PCMTD2: variants seen among roughly 807,000 people sequenced by gnomAD.
The protein encoded by PCMTD2 is protein-L-isoaspartate (D-aspartate) O-methyltransferase domain containing 2.
A neutral mutation model predicts 33.4 loss-of-function variants in PCMTD2; 16 were observed. The ratio of observed to expected loss-of-function variants is 0.48; its 90% CI spans 0.32 to 0.73. PCMTD2 has a LOEUF of 0.73. Ranked by LOEUF, PCMTD2 falls within the 30% of genes least tolerant of loss-of-function variation. The probability of loss-of-function intolerance (pLI) is 0.03; values close to 1 mark genes in which losing one functional copy is unlikely to be tolerated. For synonymous variants in PCMTD2, 161 were observed against 160.8 expected (o/e 1.00, Z -0.01); for missense variants, 374 against 449.9 (o/e 0.83, Z 1.53).
At chr20:64,263,911 A>G (rs1869773079) in intron 2 of PCMTD2, among the ~76,000 whole-genome samples, 1 of 152,276 alleles carries the variant, frequency 6.6e-6, no homozygotes. Context: ...GAGCACTGTC[A>G]TCATTAAGTG....
Position 64,273,993 on chromosome 20 carries a change from T to C in PCMTD2, c.*393T>C. 1 of 164,814 alleles carries C rather than the reference T, an allele frequency of 6.1e-6. No individual in the cohort carries two copies. The highest frequency in any genetic ancestry group is 1.3e-5 in the Non-Finnish European group (1 of 77,006). 10.2% of individuals were successfully genotyped at this position (164,814 alleles called of 1,614,324 possible). A position where few individuals can be genotyped will look rare whatever the true frequency, so the allele number is the denominator to read the frequency against. On this transcript the variant is annotated 3_prime_UTR_variant, in exon 6 of 6. Coordinates refer to ENST00000308824, the MANE Select transcript of PCMTD2 (RefSeq NM_018257.3). ...ATGAAAACTGAAGTGGAAACTAACC[T>C]GTGTTGCTTATAAAGTGTGAAAGCA...
intron 1 of PCMTD2, among the ~76,000 whole-genome samples, chr20:64,257,230 C>T (rs149182959): frequency 3.3e-5 from 5 of 152,186 alleles, no homozygotes; most frequent in Non-Finnish European, 5.9e-5. Flanking sequence ...ACTACCATAG[C>T]TTCATGCTTG....
Position 64,259,386 on chromosome 20 carries a change from C to CTTTTT in PCMTD2, c.-24-540_-24-536dup, listed in dbSNP as rs3076992. 2.5e-5 allele frequency among the ~76,000 whole-genome samples: 3 copies of CTTTTT among 118,698 alleles called. No homozygotes were observed. In the South Asian group the frequency reaches 8.2e-4, roughly 32 times the overall value. 77.9% of individuals were successfully genotyped at this position (118,698 alleles called of 152,430 possible). On this transcript the variant is annotated intron_variant, in intron 1 of 5. Transcript: ENST00000308824. ...CCACCTAAAGTTTTTTTTCTTTTCT[C>CTTTTT]TTTTTTTTTTTTTTTTTTTTGAGAC...
intron 1 of PCMTD2, among the ~76,000 whole-genome samples, chr20:64,259,067 G>T (rs557780730): frequency 1.2e-4 from 18 of 152,300 alleles, no homozygotes; most frequent in Admixed American, 7.8e-4. Flanking sequence ...ACAAGTAGTT[G>T]TTATTTTTAA....
intron 5 of PCMTD2, among the ~76,000 whole-genome samples, chr20:64,269,192 G>A (rs764221196): frequency 2.6e-5 from 4 of 152,168 alleles, no homozygotes; most frequent in Non-Finnish European, 5.9e-5. Context: ...GGTTGTCGTC[G>A]GGTGGAGGGT....
intron 1 of PCMTD2, chr20:64,257,137 A>G (rs1985201487): frequency 6.6e-6 from 1 of 152,228 alleles, no homozygotes; most frequent in South Asian, 2.1e-4. Flanking sequence ...ATCTTCCACA[A>G]TGAATTACTT....
Position 64,265,301 on chromosome 20 carries a change from G to C in PCMTD2, c.454G>C (p.Glu152Gln). Residue 152 changes from glutamate to glutamine, a missense_variant, in exon 4 of 6, where the codon GAG becomes CAG. Physicochemically the swap from Glu to Gln is conservative, Grantham distance 29. Coordinates refer to ENST00000308824, the MANE Select transcript of PCMTD2 (RefSeq NM_018257.3). ...EPSFVTGNCLEISPDCSQYDR... is the reference protein window; with the variant it reads ...EPSFVTGNCLQISPDCSQYDR... ...TTCCTTTGTTACTGGGAATTGCCTG[G>C]AGATTTCTCCGGATTGTTCTCAGTA... 1.2e-6 allele frequency: 2 copies of C among 1,607,950 alleles called. No homozygotes were observed. Among genetic ancestry groups the C allele is most frequent in the Non-Finnish European group, 8.5e-7 (1 of 1,178,070 alleles).
chr20:64,268,279 C>T (rs1323092140), intron 5 of PCMTD2, among the ~76,000 whole-genome samples: 2 of 152,208 alleles, frequency 1.3e-5, no homozygotes, highest in African/African-American at 2.4e-5. Context: ...TAAAAGGGAG[C>T]TCATTTTGCC....
intron 3 of PCMTD2, 122 bp from the exon 4 acceptor site, chr20:64,265,136 T>G: frequency 1.7e-6 from 1 of 572,618 alleles, no homozygotes; most frequent in East Asian, 2.9e-5. Flanking sequence ...TTCTTCCAGC[T>G]CCTCACACTG....
At position 64,274,171 on chromosome 20, in the gene PCMTD2, A is replaced by G. The variant is rs1986025212; in HGVS notation, c.*571A>G. ...AAACATTATTGAGAAGCCCTCCCTT[A>G]TTTTAAGTAAGTTGATTAAATCTTA... On this transcript the variant is annotated 3_prime_UTR_variant, in exon 6 of 6. Coordinates refer to ENST00000308824, the MANE Select transcript of PCMTD2 (RefSeq NM_018257.3). The G allele has an allele frequency of 6.6e-6, 1 of 152,174 alleles. No homozygotes were observed. The highest frequency in any genetic ancestry group is 1.5e-5 in the Non-Finnish European group (1 of 68,028). 9.4% of individuals were successfully genotyped at this position (152,174 alleles called of 1,614,324 possible).
rs1032203865 is a variant in PCMTD2 at position 64,275,432 on chromosome 20, T to TA, written c.*1839dup. ...TATAATTGTATATGGACTGCATTTT[T>TA]AAAAAAACCGCATTTGCCTTTATGC... On this transcript the variant is annotated 3_prime_UTR_variant, in exon 6 of 6. Transcript: ENST00000308824. 1 of 152,196 alleles carries TA rather than the reference T, an allele frequency of 6.6e-6. No homozygotes were observed. The highest frequency in any genetic ancestry group is 2.4e-5 in the African/African-American group (1 of 41,470). 9.4% of individuals were successfully genotyped at this position (152,196 alleles called of 1,614,324 possible).
chr20:64,273,272 G>T lies in PCMTD2; in HGVS notation c.758G>T (p.Gly253Val). Residue 253 changes from glycine (G) to valine (V), a missense_variant, in exon 6 of 6, where the codon GGC (glycine) becomes GTC (valine). Physicochemically the swap from Gly to Val is moderately radical, Grantham distance 109. Transcript: ENST00000308824. ...GACTTGGCTCGCATCGCCATCCGGGGCACCATTAAAAAGATTATTCATCAG... is the reference window on the plus strand; with the variant it reads ...GACTTGGCTCGCATCGCCATCCGGGTCACCATTAAAAAGATTATTCATCAG... The part of the protein sequence containing the change: ...LQDLARIAIR[G>V]TIKKIIHQET... 6.2e-7 allele frequency: 1 copy of T among 1,613,994 alleles called. No homozygotes were observed. Among genetic ancestry groups the T allele is most frequent in the African/African-American group, 1.3e-5 (1 of 75,036 alleles).
In PCMTD2 at chr20:64,273,301, A is replaced by G. The variant is rs553941974; in HGVS notation, c.787A>G (p.Thr263Ala). 6.8e-6 allele frequency: 11 copies of G among 1,614,204 alleles called. No homozygotes were observed. The highest frequency in any genetic ancestry group is 2.2e-5 in the South Asian group (2 of 91,088). The stretch of plus-strand genomic sequence containing the variant: ...CATTAAAAAGATTATTCATCAGGAA[A>G]CTGTGAGCAAAAACGGAAACGGACT... The part of the protein sequence containing the change: ...GTIKKIIHQE[T>A]VSKNGNGLKN... The change falls in exon 6 of 6, where the codon ACT becomes GCT. Residue 263 changes from threonine (T) to alanine (A), a missense_variant. By Grantham distance (58) the Thr-to-Ala change is moderately conservative (BLOSUM62 0). Transcript: ENST00000308824.
Position 64,273,512 on chromosome 20 carries a change from C to G in PCMTD2, c.998C>G (p.Pro333Arg). The change falls in exon 6 of 6, where the codon CCC becomes CGC. Residue 333 changes from proline (P) to arginine (R), a missense_variant. Physicochemically the swap from Pro to Arg is moderately radical, Grantham distance 103. Transcript: ENST00000308824. ...ACCCCGCCGGAAACAAAGCCAGACC[C>G]CCCAGTGAACTTCCTACGCCAGAAG... ...EKTPPETKPDPPVNFLRQKVL... is the reference protein window; with the variant it reads ...EKTPPETKPDRPVNFLRQKVL... 1 of 1,597,212 alleles carries G rather than the reference C, an allele frequency of 6.3e-7. No homozygotes were observed. The highest frequency in any genetic ancestry group is 8.5e-7 in the Non-Finnish European group (1 of 1,174,120).
chr20:64,273,342 G>T lies in PCMTD2; in HGVS notation c.828G>T (p.Arg276Ser). ...KNGNGLKNTP[R>S]FKRRRVRRRR... ...GAAACGGACTAAAGAACACCCCCAGGTTTAAACGAAGGAGAGTTCGCCGCC... is the reference window on the plus strand; with the variant it reads ...GAAACGGACTAAAGAACACCCCCAGTTTTAAACGAAGGAGAGTTCGCCGCC... Residue 276 changes from arginine to serine, a missense_variant, in exon 6 of 6, where the codon AGG becomes AGT. Physicochemically the swap from Arg to Ser is moderately radical, Grantham distance 110 (BLOSUM62 -1). Coordinates refer to ENST00000308824, the MANE Select transcript of PCMTD2 (RefSeq NM_018257.3). The T allele has an allele frequency of 6.2e-7, 1 of 1,614,188 alleles. No homozygotes were observed. The highest frequency in any genetic ancestry group is 8.5e-7 in the Non-Finnish European group (1 of 1,180,036).
rs1028072053 is a variant in PCMTD2, at chr20:64,274,280, C to G, written c.*680C>G. On this transcript the variant is annotated 3_prime_UTR_variant, in exon 6 of 6. Transcript: ENST00000308824. ...TTGCCAGATAATCTTTCTGGAATTC[C>G]GAGAGAATTCCAAAGAGGGTTTTTT... 1 of 147,934 alleles carries G rather than the reference C, an allele frequency of 6.8e-6. No homozygotes were observed. The allele number at this position is 147,934 out of a possible 1,614,324, so 9.2% of individuals were successfully genotyped here.
At chr20:64,264,359 G>A (rs1273178195) in intron 2 of PCMTD2, 70 bp from the exon 3 acceptor site, 3 of 786,454 alleles carry the variant, frequency 3.8e-6, no homozygotes, top group African/African-American at 1.7e-5. Flanking sequence ...GTTACAGTTG[G>A]TAGAAGTGAA....
At chr20:64,263,825 C>T (rs765880912) in intron 2 of PCMTD2, among the ~76,000 whole-genome samples, 12 of 152,150 alleles carry the variant, frequency 7.9e-5, no homozygotes, top group Admixed American at 2.6e-4. Context: ...AGTGGATTCC[C>T]GCAACAGAGA....
chr20:64,258,443 T>A (rs933591169), intron 1 of PCMTD2, among the ~76,000 whole-genome samples: 1 of 152,200 alleles, frequency 6.6e-6, no homozygotes, highest in African/African-American at 2.4e-5. Flanking sequence ...AAACCTAATA[T>A]TCAGCTCTAA....
Sources: allele counts gnomAD v4.1 joint callset (sites outside exome capture counted in the v4.1 genomes callset), GRCh38; gene constraint gnomAD v4.1.1; transcripts MANE v1.5; gene names NCBI Gene and HGNC (gene_info 2026-07-23, HGNC 2026-07-21).